PCDH9: variants seen among roughly 807,000 people sequenced by gnomAD.
PCDH9 encodes the protein protocadherin 9, also known as protocadherin-9.
A neutral mutation model predicts 70.6 loss-of-function variants in PCDH9; 24 were observed. That is an observed-to-expected ratio of 0.34 (90% CI 0.25 to 0.48). PCDH9 has a LOEUF of 0.48. Among genes scored for constraint, PCDH9 ranks in the 20% least tolerant of loss-of-function variants. PCDH9 has a pLI of 0.99. For missense variants in PCDH9, 1,281 were observed against 1,503.6 expected (o/e 0.85, Z 2.45); for synonymous variants, 562 against 558.5 (o/e 1.01, Z -0.09).
intron 3 of PCDH9, among the ~76,000 whole-genome samples, chr13:66,741,948 C>T (rs1041620753): frequency 1.1e-4 from 16 of 150,130 alleles, no homozygotes; most frequent in African/African-American, 4.0e-4. Flanking sequence ...ATGCCATCCC[C>T]ATCAAGCTAC....
intron 2 of PCDH9, among the ~76,000 whole-genome samples, chr13:67,085,701 C>A (rs188572408): frequency 1.3e-4 from 20 of 152,266 alleles, no homozygotes; most frequent in African/African-American, 4.8e-4. Context: ...TGTTCTGTTT[C>A]TGTGGCTAAC....
At chr13:66,714,681 G>A (rs753805458) in intron 3 of PCDH9, among the ~76,000 whole-genome samples, 1 of 152,050 alleles carries the variant, frequency 6.6e-6, no homozygotes, top group African/African-American at 2.4e-5. Flanking sequence ...TAACAAATAT[G>A]CACTAAATGT....
chr13:66,693,800 G>C (rs988634076), intron 3 of PCDH9, among the ~76,000 whole-genome samples: 2 of 152,318 alleles, frequency 1.3e-5, no homozygotes, highest in Non-Finnish European at 2.9e-5. Context: ...GTAACACAAA[G>C]TGGAAGTGGT....
At chr13:66,722,302 A>T (rs1180529039) in intron 3 of PCDH9, among the ~76,000 whole-genome samples, 1 of 152,190 alleles carries the variant, frequency 6.6e-6, no homozygotes, top group Non-Finnish European at 1.5e-5. Context: ...TCAGTGTTTT[A>T]TGTTTGGCAA....
chr13:66,672,050 T>C (rs965178604), intron 3 of PCDH9, among the ~76,000 whole-genome samples: 1 of 152,138 alleles, frequency 6.6e-6, no homozygotes, highest in Admixed American at 6.5e-5. Flanking sequence ...AAAAAATGGT[T>C]TCATGAGCTG....
intron 4 of PCDH9, among the ~76,000 whole-genome samples, chr13:66,368,411 T>G (rs1405034541): frequency 2.0e-5 from 3 of 151,976 alleles, no homozygotes; most frequent in Admixed American, 1.3e-4. Flanking sequence ...TTCCTTTTAG[T>G]GCTCAATTAT....
intron 4 of PCDH9, among the ~76,000 whole-genome samples, chr13:66,334,091 T>A (rs963091305): frequency 8.5e-5 from 13 of 152,136 alleles, no homozygotes; most frequent in Non-Finnish European, 1.8e-4. Flanking sequence ...GCTTTATTGT[T>A]AACTACAGTC....
At chr13:66,968,847 T>A (rs974664216) in intron 2 of PCDH9, among the ~76,000 whole-genome samples, 2 of 152,016 alleles carry the variant, frequency 1.3e-5, no homozygotes, top group Non-Finnish European at 2.9e-5. Context: ...CCATTTAGTG[T>A]GCTATTCACA....
At chr13:66,756,932 G>A (rs55833780) in intron 3 of PCDH9, among the ~76,000 whole-genome samples, 12,395 of 152,162 alleles carry the variant, frequency 0.081, 530 homozygotes, top group East Asian at 0.14. Context: ...TGCCTCCCGG[G>A]TTCAAGCAAT....
Position 67,032,550 on chromosome 13 carries a change from C to T in PCDH9, c.3037-128945G>A, listed in dbSNP as rs142757492. 4.7e-3 allele frequency among the ~76,000 whole-genome samples: 718 copies of T among 152,158 alleles called. 4 individuals are homozygous for T. Among genetic ancestry groups the T allele is most frequent in the African/African-American group, 0.012 (497 of 41,504 alleles). ...AATTGTTTGCATTTATGTAAAAATT[C>T]TTATGGATATTAACAAGAAAGTTAC... On this transcript the variant is annotated intron_variant, in intron 2 of 4. Transcript: ENST00000377865.
chr13:66,414,246 A>T (rs1403078728), intron 4 of PCDH9, among the ~76,000 whole-genome samples: 2 of 152,226 alleles, frequency 1.3e-5, no homozygotes, highest in Non-Finnish European at 2.9e-5. Context: ...CAATGAAAAT[A>T]AACAAATGGG....
chr13:67,051,470 G>T (rs1347905857), intron 2 of PCDH9, among the ~76,000 whole-genome samples: 1 of 132,636 alleles, frequency 7.5e-6, no homozygotes, highest in Non-Finnish European at 1.5e-5. Context: ...TCGGCTCACT[G>T]CAACCTCCGC....
At chr13:66,385,236 C>A (rs1368635559) in intron 4 of PCDH9, among the ~76,000 whole-genome samples, 1 of 151,968 alleles carries the variant, frequency 6.6e-6, no homozygotes, top group Non-Finnish European at 1.5e-5. Flanking sequence ...TATGTACTTA[C>A]CTTGATTACT....
At chr13:66,628,963 G>A (rs1014821515) in intron 4 of PCDH9, among the ~76,000 whole-genome samples, 1 of 151,940 alleles carries the variant, frequency 6.6e-6, no homozygotes, top group African/African-American at 2.4e-5. Context: ...CTTTCTAGTT[G>A]AAATAAATTT....
chr13:67,069,479 C>A (rs1368932345), intron 2 of PCDH9, among the ~76,000 whole-genome samples: 1 of 152,102 alleles, frequency 6.6e-6, no homozygotes. Flanking sequence ...AATCTACTAA[C>A]AAACAAAATA....
chr13:67,182,495 C>A, intron 2 of PCDH9, among the ~76,000 whole-genome samples: 1 of 151,942 alleles, frequency 6.6e-6, no homozygotes, highest in East Asian at 1.9e-4. Context: ...TCACTCTTTC[C>A]TCACTAAAGT....
rs889981089 is a variant in PCDH9 at position 66,799,388 on chromosome 13, T to C, written c.3138+104116A>G. Among the ~76,000 whole-genome samples the C allele has an allele frequency of 1.2e-4, 18 of 152,158 alleles. No homozygotes were observed. In the East Asian group the frequency reaches 2.1e-3, roughly 18 times the overall value. On this transcript the variant is annotated intron_variant, in intron 3 of 4. Coordinates refer to ENST00000377865, the MANE Select transcript of PCDH9 (RefSeq NM_203487.3). ...TGGGCAAAATGGAGACTGGGCATGA[T>C]TGGTATCACTTAACAAAATCTTTCT...
At chr13:66,624,499 C>G (rs1446129256) in intron 4 of PCDH9, among the ~76,000 whole-genome samples, 1 of 152,196 alleles carries the variant, frequency 6.6e-6, no homozygotes, top group Admixed American at 6.5e-5. Flanking sequence ...GAGACACTAT[C>G]TATTTGGTTG....
At chr13:66,842,042 T>C (rs148637248) in intron 3 of PCDH9, among the ~76,000 whole-genome samples, 6 of 152,210 alleles carry the variant, frequency 3.9e-5, no homozygotes, top group East Asian at 1.9e-4. Context: ...CTTGGGAAAT[T>C]AGGAGCAGAA....
Sources: gnomAD v4.1 joint callset for allele counts (sites outside exome capture counted in the v4.1 genomes callset) on GRCh38, gnomAD v4.1.1 for gene constraint, MANE v1.5 for transcripts, NCBI Gene and HGNC (gene_info 2026-07-23, HGNC 2026-07-21) for gene names.